The following CCBE1 variants were observed in gnomAD, a reference collection of about 807,000 sequenced individuals.
CCBE1 encodes the protein collagen and calcium binding EGF domains 1, also known as collagen and calcium-binding EGF domain-containing protein 1.
CCBE1 carries 37 observed loss-of-function variants against 50.0 expected under a neutral mutation model. That is an observed-to-expected ratio of 0.74 (90% confidence interval 0.57 to 0.97). CCBE1 has a LOEUF of 0.97. Ranked by LOEUF, CCBE1 falls within the 50% of genes least tolerant of loss-of-function variation. CCBE1 has a pLI of 0.00. For synonymous variants in CCBE1, 234 were observed against 203.7 expected, an observed-to-expected ratio of 1.15 and a Z score of -1.27; for missense variants, 538 against 523.8, an observed-to-expected ratio of 1.03 and a Z score of -0.26.
At chr18:59,533,087 T>A (rs1479519229) in intron 2 of CCBE1, among the ~76,000 whole-genome samples, 1 of 152,230 alleles carries the variant, frequency 6.6e-6, no homozygotes, top group Non-Finnish European at 1.5e-5. Flanking sequence ...TTCTCTTTTT[T>A]CCCCCTCTTC....
chr18:59,580,883 G>T (rs2053074641), intron 2 of CCBE1, among the ~76,000 whole-genome samples: 2 of 152,176 alleles, frequency 1.3e-5, no homozygotes, highest in Non-Finnish European at 2.9e-5. Context: ...GGCCACACTG[G>T]GGGGCCTGGC....
intron 2 of CCBE1, among the ~76,000 whole-genome samples, chr18:59,674,110 C>T (rs142146215): frequency 6.6e-6 from 1 of 152,242 alleles, no homozygotes; most frequent in African/African-American, 2.4e-5. Flanking sequence ...ATTGCTGCCT[C>T]AATTTCAGAA....
intron 2 of CCBE1, among the ~76,000 whole-genome samples, chr18:59,498,151 C>T (rs149758185): frequency 6.6e-6 from 1 of 152,312 alleles, no homozygotes; most frequent in East Asian, 1.9e-4. Flanking sequence ...CCACTTCCTT[C>T]ACTATGGAGA....
rs139930507 is a variant in CCBE1 at position 59,489,418 on chromosome 18, T to A, written c.213-9180A>T. On this transcript the variant is annotated intron_variant, in intron 2 of 10. Transcript: ENST00000439986. ...CTTTCTTATTTTTCTTCTTTTTATT[T>A]ATTTATTTTTTTTGAGATGGACTCT... Among the ~76,000 whole-genome samples, 500 of 140,428 alleles carry A rather than the reference T, an allele frequency of 3.6e-3. 3 individuals carry two copies. Among genetic ancestry groups the A allele is most frequent in the African/African-American group, 0.013 (480 of 37,580 alleles). 92.1% of individuals were successfully genotyped at this position (140,428 alleles called of 152,430 possible).
At chr18:59,482,204 C>A (rs868517583) in intron 2 of CCBE1, among the ~76,000 whole-genome samples, 4 of 152,196 alleles carry the variant, frequency 2.6e-5, no homozygotes, top group Non-Finnish European at 2.9e-5. Context: ...CATGTCCCTG[C>A]AAAGGACGTG....
chr18:59,635,507 G>A (rs1023046921), intron 2 of CCBE1, among the ~76,000 whole-genome samples: 3 of 151,608 alleles, frequency 2.0e-5, no homozygotes, highest in East Asian at 3.9e-4. Context: ...TCTAATTTCC[G>A]GGAATTGGAA....
intron 3 of CCBE1, among the ~76,000 whole-genome samples, chr18:59,474,994 A>G (rs184010593): frequency 6.6e-6 from 1 of 152,158 alleles, no homozygotes; most frequent in African/African-American, 2.4e-5. Flanking sequence ...TCTTTTGTGA[A>G]TCTTTCCAGC....
chr18:59,444,872 A>G (rs1378956762), intron 7 of CCBE1, among the ~76,000 whole-genome samples: 2 of 152,056 alleles, frequency 1.3e-5, no homozygotes, highest in Non-Finnish European at 2.9e-5. Flanking sequence ...TGTCTATTCA[A>G]GTCCTTTTCC....
chr18:59,669,863 C>T (rs1001918066), intron 2 of CCBE1, among the ~76,000 whole-genome samples: 5 of 152,190 alleles, frequency 3.3e-5, no homozygotes, highest in Admixed American at 6.5e-5. Flanking sequence ...TAATTACTAA[C>T]GCCATGGGGT....
At chr18:59,543,827 T>C (rs1915567104) in intron 2 of CCBE1, among the ~76,000 whole-genome samples, 1 of 82,370 alleles carries the variant, frequency 1.2e-5, no homozygotes, top group Non-Finnish European at 2.0e-5. Flanking sequence ...AGAGCGAGAC[T>C]CCGTCTCAAA....
chr18:59,443,842 A>T (rs192831550), intron 7 of CCBE1, among the ~76,000 whole-genome samples: 1 of 152,136 alleles, frequency 6.6e-6, no homozygotes. Context: ...ACAGATCTCT[A>T]TAACTTTCTC....
At chr18:59,615,830 A>G (rs2053629557) in intron 2 of CCBE1, among the ~76,000 whole-genome samples, 1 of 152,204 alleles carries the variant, frequency 6.6e-6, no homozygotes, top group South Asian at 2.1e-4. Context: ...TAGGCATTTA[A>G]TATTTGCAGA....
At position 59,646,881 on chromosome 18, in the gene CCBE1, C is replaced by T. The variant is rs1599097729; in HGVS notation, c.212+49748G>A. Among the ~76,000 whole-genome samples, 4 of 152,242 alleles carry T rather than the reference C, an allele frequency of 2.6e-5. No homozygotes were observed. The East Asian group carries it at 5.8e-4, about 22-fold the overall frequency. On this transcript the variant is annotated intron_variant, in intron 2 of 10. Coordinates refer to ENST00000439986, the MANE Select transcript of CCBE1 (RefSeq NM_133459.4). ...ACGGAACTTAAGACAATGATCAGGT[C>T]GCTGCAGCATTTCCTCCCAGAAAGC...
At chr18:59,620,141 T>C (rs922132509) in intron 2 of CCBE1, among the ~76,000 whole-genome samples, 2 of 152,132 alleles carry the variant, frequency 1.3e-5, no homozygotes, top group Non-Finnish European at 1.5e-5. Flanking sequence ...AGACACAGTT[T>C]TCCCCACGTG....
At chr18:59,575,380 G>T (rs1485796684) in intron 2 of CCBE1, among the ~76,000 whole-genome samples, 1 of 152,166 alleles carries the variant, frequency 6.6e-6, no homozygotes, top group Non-Finnish European at 1.5e-5. Flanking sequence ...ACAAGGTCAA[G>T]GGGAAAGTGC....
chr18:59,482,497 T>A (rs554701349), intron 2 of CCBE1, among the ~76,000 whole-genome samples: 1 of 152,198 alleles, frequency 6.6e-6, no homozygotes, highest in Non-Finnish European at 1.5e-5. Flanking sequence ...CAGGCACACA[T>A]AGGTTTATTG....
chr18:59,676,363 G>A (rs963820489), intron 2 of CCBE1, among the ~76,000 whole-genome samples: 31 of 152,244 alleles, frequency 2.0e-4, no homozygotes, highest in Admixed American at 9.8e-4. Context: ...CCCATGGCAA[G>A]TCTATGGCTC....
intron 2 of CCBE1, among the ~76,000 whole-genome samples, chr18:59,618,030 C>T (rs922764214): frequency 2.6e-5 from 4 of 152,152 alleles, no homozygotes; most frequent in Admixed American, 2.0e-4. Flanking sequence ...TAATTTAAGA[C>T]TTTGGAAATC....
intron 2 of CCBE1, among the ~76,000 whole-genome samples, chr18:59,623,243 A>G (rs964613186): frequency 6.6e-6 from 1 of 152,204 alleles, no homozygotes; most frequent in Non-Finnish European, 1.5e-5. Context: ...AAGCTCCCTG[A>G]TTTCACTGGT....
Sources: allele counts gnomAD v4.1 joint callset (sites outside exome capture counted in the v4.1 genomes callset), GRCh38; gene constraint gnomAD v4.1.1; transcripts MANE v1.5; gene names NCBI Gene and HGNC (gene_info 2026-07-23, HGNC 2026-07-21).